Variants in CNTNAP2 observed in about 807,000 individuals in gnomAD.
CNTNAP2 encodes contactin associated protein 2, also known as contactin-associated protein-like 2.
In CNTNAP2, 98 loss-of-function variants were observed where a neutral mutation model predicts 155.2. The ratio of observed to expected loss-of-function variants is 0.63; its 90% CI spans 0.54 to 0.75. The LOEUF is 0.75. Among genes scored for constraint, CNTNAP2 ranks in the 30% least tolerant of loss-of-function variants. The pLI is 0.00. For missense variants in CNTNAP2, 1,727 were observed against 1,688.1 expected, an observed-to-expected ratio of 1.02 and a Z score of -0.40; for synonymous variants, 651 against 631.2, an observed-to-expected ratio of 1.03 and a Z score of -0.47.
Position 146,739,320 on chromosome 7 carries a change from C to T in CNTNAP2, c.98-34951C>T, listed in dbSNP as rs530772902. ...AGTAATTCTTAGAATTGCTTTTGCT[C>T]TCCCAGGGGTTTTGGTATTTTGTGT... On this transcript the variant is annotated intron_variant, in intron 1 of 23. Coordinates refer to ENST00000361727, the MANE Select transcript of CNTNAP2 (RefSeq NM_014141.6). 5.8e-4 allele frequency among the ~76,000 whole-genome samples: 88 copies of T among 151,978 alleles called. 1 individual carries two copies. In the Middle Eastern group the frequency reaches 0.01, roughly 18 times the overall value.
intron 4 of CNTNAP2, among the ~76,000 whole-genome samples, chr7:147,080,317 T>TA (rs1323155610): frequency 6.6e-5 from 10 of 152,184 alleles, no homozygotes; most frequent in Non-Finnish European, 1.5e-4. Context: ...TTTTCTAAAT[T>TA]ACATGGATTC....
At chr7:146,681,464 G>A (rs1424316395) in intron 1 of CNTNAP2, among the ~76,000 whole-genome samples, 1 of 78,818 alleles carries the variant, frequency 1.3e-5, no homozygotes, top group Admixed American at 1.3e-4. Context: ...GGTGGCGGGG[G>A]GAGAGGGTAG....
At chr7:147,153,259 T>C (rs1408800956) in intron 8 of CNTNAP2, among the ~76,000 whole-genome samples, 1 of 152,122 alleles carries the variant, frequency 6.6e-6, no homozygotes, top group Non-Finnish European at 1.5e-5. Context: ...CAAAAAGCTT[T>C]CTGAACTATA....
At chr7:146,440,837 TGTCTA>T (rs1796310652) in intron 1 of CNTNAP2, among the ~76,000 whole-genome samples, 1 of 151,614 alleles carries the variant, frequency 6.6e-6, no homozygotes, top group Non-Finnish European at 1.5e-5. Flanking sequence ...ATAAATATCT[TGTCTA>T]GTTATCTGAA....
At chr7:148,349,176 A>G (rs1295755542) in intron 21 of CNTNAP2, among the ~76,000 whole-genome samples, 1 of 152,138 alleles carries the variant, frequency 6.6e-6, no homozygotes, top group Non-Finnish European at 1.5e-5. Flanking sequence ...AAATACGATG[A>G]AAAAAATGGT....
chr7:146,986,738 G>A (rs139255622), intron 3 of CNTNAP2, among the ~76,000 whole-genome samples: 186 of 151,940 alleles, frequency 1.2e-3, no homozygotes, highest in African/African-American at 3.8e-3. Flanking sequence ...TTTGATTTGC[G>A]TTTGATTTGC....
chr7:147,486,137 T>G, intron 11 of CNTNAP2, 96 bp downstream of exon 11: 1 of 931,686 alleles, frequency 1.1e-6, no homozygotes, highest in Non-Finnish European at 1.7e-6. Flanking sequence ...ATAATCCACA[T>G]AATACATCAC....
intron 15 of CNTNAP2, among the ~76,000 whole-genome samples, chr7:148,081,851 T>G (rs1803611887): frequency 6.6e-6 from 1 of 152,040 alleles, no homozygotes; most frequent in African/African-American, 2.4e-5. Context: ...TGAATGTATG[T>G]GAGAAAGTGG....
intron 3 of CNTNAP2, among the ~76,000 whole-genome samples, chr7:146,863,802 G>A (rs528748398): frequency 6.6e-6 from 1 of 152,100 alleles, no homozygotes; most frequent in Non-Finnish European, 1.5e-5. Context: ...CCTTGAAATG[G>A]AATTATGGAC....
chr7:146,754,453 C>G (rs1467699714), intron 1 of CNTNAP2, among the ~76,000 whole-genome samples: 1 of 151,958 alleles, frequency 6.6e-6, no homozygotes, highest in East Asian at 1.9e-4. Flanking sequence ...CATGTGTCAG[C>G]TGACTACCAT....
intron 9 of CNTNAP2, among the ~76,000 whole-genome samples, chr7:147,346,225 G>A (rs1795859448): frequency 6.7e-6 from 1 of 149,808 alleles, no homozygotes; most frequent in South Asian, 2.1e-4. Context: ...CGCAATCTCG[G>A]CTCACTGCAA....
chr7:147,573,662 A>C (rs1800336209), intron 12 of CNTNAP2, among the ~76,000 whole-genome samples: 1 of 152,190 alleles, frequency 6.6e-6, no homozygotes, highest in Non-Finnish European at 1.5e-5. Flanking sequence ...AAAGACTATA[A>C]AATAATATTG....
intron 10 of CNTNAP2, among the ~76,000 whole-genome samples, chr7:147,467,578 A>C (rs1798142387): frequency 6.6e-6 from 1 of 152,200 alleles, no homozygotes; most frequent in Non-Finnish European, 1.5e-5. Context: ...GTTGCGTACA[A>C]TGCTCACCAT....
chr7:146,358,136 G>A (rs1041840471), intron 1 of CNTNAP2, among the ~76,000 whole-genome samples: 8 of 152,154 alleles, frequency 5.3e-5, no homozygotes, highest in South Asian at 4.1e-4. Flanking sequence ...CCGGGTTCAC[G>A]CCATTCTCCT....
chr7:146,322,573 T>C (rs73740437), intron 1 of CNTNAP2, among the ~76,000 whole-genome samples: 11,977 of 151,514 alleles, frequency 0.079, 1,354 homozygotes, highest in African/African-American at 0.25. Flanking sequence ...TATTGGATCC[T>C]CTTTTATTTT....
At chr7:146,504,341 G>A (rs1315678128) in intron 1 of CNTNAP2, among the ~76,000 whole-genome samples, 1 of 152,196 alleles carries the variant, frequency 6.6e-6, no homozygotes, top group Non-Finnish European at 1.5e-5. Flanking sequence ...TCTATGGGGG[G>A]TCATCAGTAA....
At position 146,263,854 on chromosome 7, in the gene CNTNAP2, C is replaced by T. The variant is rs946223457; in HGVS notation, c.97+146881C>T. Among the ~76,000 whole-genome samples, 10 of 152,196 alleles carry T rather than the reference C, an allele frequency of 6.6e-5. No individual in the cohort carries two copies. In the East Asian group the frequency reaches 1.9e-3, roughly 29 times the overall value. ...AAGGGACAGGGAAATACATTAAATC[C>T]AGATAAATTACCTGAGAGGTAATCA... is the stretch of plus-strand genomic sequence containing the variant. On this transcript the variant is annotated intron_variant, in intron 1 of 23. Transcript: ENST00000361727.
At chr7:148,340,079 G>A (rs1480888553) in intron 21 of CNTNAP2, among the ~76,000 whole-genome samples, 1 of 151,800 alleles carries the variant, frequency 6.6e-6, no homozygotes, top group Non-Finnish European at 1.5e-5. Flanking sequence ...CTTTTCAGGA[G>A]CATCTTAATA....
rs762936506 is a variant in CNTNAP2, at chr7:148,241,279, C to G, written c.3381+11500C>G. 2.0e-5 allele frequency among the ~76,000 whole-genome samples: 3 copies of G among 152,138 alleles called. No individual in the cohort carries two copies. In the East Asian group the frequency reaches 5.8e-4, roughly 29 times the overall value. ...AAACGGTAGTTTTCTTCCTTCATTCCCAATTCCCTTCTCTTTCTTAAAAGC... is the reference window on the plus strand; with the variant it reads ...AAACGGTAGTTTTCTTCCTTCATTCGCAATTCCCTTCTCTTTCTTAAAAGC... On this transcript the variant is annotated intron_variant, in intron 20 of 23. Coordinates refer to ENST00000361727, the MANE Select transcript of CNTNAP2 (RefSeq NM_014141.6).
Sources: allele counts gnomAD v4.1 joint callset (sites outside exome capture counted in the v4.1 genomes callset), GRCh38; gene constraint gnomAD v4.1.1; transcripts MANE v1.5; gene names NCBI Gene and HGNC (gene_info 2026-07-23, HGNC 2026-07-21).